CAPN13: variants seen among roughly 807,000 people sequenced by gnomAD.
The protein encoded by CAPN13 is calpain-13.
A neutral mutation model predicts 98.4 loss-of-function variants in CAPN13; 90 were observed. That is an observed-to-expected ratio of 0.92 (90% confidence interval 0.77 to 1.09). The LOEUF is 1.09. Among genes scored for constraint, CAPN13 ranks in the 50% least tolerant of loss-of-function variants. The pLI is 0.00. For synonymous variants in CAPN13, 330 were observed against 305.5 expected, an observed-to-expected ratio of 1.08 and a Z score of -0.84; for missense variants, 887 against 841.3, an observed-to-expected ratio of 1.05 and a Z score of -0.67.
At chr2:30,729,795 G>A (rs1466134859) in intron 22 of CAPN13, 1 of 152,166 alleles carries the variant, frequency 6.6e-6, no homozygotes, top group Non-Finnish European at 1.5e-5. Flanking sequence ...CAAAACAATC[G>A]AGTTTTAGGT....
rs1243378718 is a variant in CAPN13, at chr2:30,751,708, A to G, written c.1088-457T>C. The stretch of plus-strand genomic sequence containing the variant: ...AAGCCAGAATAAGAGAGAGCGAGCT[A>G]ATGTGAAAACCATTAGATTCAAATA... On this transcript the variant is annotated intron_variant, in intron 10 of 22. Coordinates refer to ENST00000295055, the MANE Select transcript of CAPN13 (RefSeq NM_144575.3). 2.0e-5 allele frequency among the ~76,000 whole-genome samples: 3 copies of G among 152,236 alleles called. No individual in the cohort carries two copies. In the South Asian group the frequency reaches 6.2e-4, roughly 32 times the overall value.
chr2:30,797,134 G>A (rs529016830), intron 1 of CAPN13, among the ~76,000 whole-genome samples: 2 of 152,252 alleles, frequency 1.3e-5, no homozygotes, highest in East Asian at 3.9e-4. Context: ...GAGGTTTACT[G>A]GACAGAAGGC....
intron 12 of CAPN13, among the ~76,000 whole-genome samples, chr2:30,744,385 C>A (rs568712202): frequency 6.6e-6 from 1 of 152,298 alleles, no homozygotes; most frequent in South Asian, 2.1e-4. Flanking sequence ...ATCTCCAACG[C>A]GATTCTGCTG....
intron 1 of CAPN13, among the ~76,000 whole-genome samples, chr2:30,791,911 T>C (rs1458612061): frequency 6.6e-6 from 1 of 152,234 alleles, no homozygotes; most frequent in East Asian, 1.9e-4. Context: ...AATAAATAGT[T>C]GTAAGAATAC....
chr2:30,794,297 A>C (rs1340713449), intron 1 of CAPN13, among the ~76,000 whole-genome samples: 1 of 151,948 alleles, frequency 6.6e-6, no homozygotes, highest in Admixed American at 6.6e-5. Context: ...ACTTGAAAAG[A>C]TGTTCCACAT....
At chr2:30,728,264 TCTGA>T (rs1352460861) in intron 22 of CAPN13, among the ~76,000 whole-genome samples, 1 of 151,554 alleles carries the variant, frequency 6.6e-6, no homozygotes. Context: ...GTTGCACACC[TCTGA>T]CTACGCTAAA....
At chr2:30,771,204 A>G (rs1190579407) in intron 4 of CAPN13, among the ~76,000 whole-genome samples, 3 of 152,254 alleles carry the variant, frequency 2.0e-5, no homozygotes, top group Non-Finnish European at 4.4e-5. Flanking sequence ...AGGAAAATTC[A>G]TAACAAATCC....
chr2:30,770,557 G>A (rs1467809601), intron 4 of CAPN13, 108 bp from the exon 5 acceptor site: 9 of 1,355,924 alleles, frequency 6.6e-6, no homozygotes, highest in Admixed American at 2.1e-5. Context: ...ATGCAATAAT[G>A]AACTCTATTC....
intron 8 of CAPN13, 59 bp from the exon 9 acceptor site, chr2:30,754,423 T>C: frequency 4.1e-6 from 6 of 1,448,454 alleles, no homozygotes; most frequent in South Asian, 2.7e-5. Flanking sequence ...TTCTCAACCA[T>C]GTGTGGGTCA....
chr2:30,789,536 C>A (rs1251544679), intron 1 of CAPN13, among the ~76,000 whole-genome samples: 1 of 152,308 alleles, frequency 6.6e-6, no homozygotes, highest in South Asian at 2.1e-4. Context: ...ATGCGAGGAT[C>A]AGTTCCTAGT....
chr2:30,797,747 G>A (rs551889684), intron 1 of CAPN13, among the ~76,000 whole-genome samples: 1 of 152,322 alleles, frequency 6.6e-6, no homozygotes, highest in South Asian at 2.1e-4. Flanking sequence ...CCAGAGTTGT[G>A]TTCTTTCCAT....
At chr2:30,743,296 A>G (rs1671747126) in intron 13 of CAPN13, 87 bp downstream of exon 13, 1 of 1,177,118 alleles carries the variant, frequency 8.5e-7, no homozygotes, top group Non-Finnish European at 1.3e-6. Flanking sequence ...GGCTGCACGA[A>G]TGCACAGAGA....
At position 30,723,242 on chromosome 2, in the gene CAPN13, GA is replaced by G. The variant is rs1464954653; in HGVS notation, c.*31-7del. On this transcript the variant is annotated splice_region_variant and splice_polypyrimidine_tract_variant and intron_variant, in intron 22 of 22. Transcript: ENST00000295055. ...GTGATCACTGGGAGCTTGTCCTAGA[GA>G]AAGACACGGGGGTGCAAATGCAGAG... 3.3e-5 allele frequency: 5 copies of G among 152,332 alleles called. No individual in the cohort carries two copies. The highest frequency in any genetic ancestry group is 1.2e-4 in the African/African-American group (5 of 41,456). The allele number at this position is 152,332 out of a possible 1,614,324, so 9.4% of individuals were successfully genotyped here.
chr2:30,795,565 A>G (rs1674816267), intron 1 of CAPN13, among the ~76,000 whole-genome samples: 1 of 151,966 alleles, frequency 6.6e-6, no homozygotes, highest in Non-Finnish European at 1.5e-5. Flanking sequence ...CTCTTGAGGA[A>G]TGAATATTCA....
chr2:30,785,970 C>A (rs1674255005), intron 2 of CAPN13, among the ~76,000 whole-genome samples: 1 of 152,162 alleles, frequency 6.6e-6, no homozygotes, highest in South Asian at 2.1e-4. Context: ...GCATCCCAAA[C>A]CCTACCTGAT....
chr2:30,787,507 C>T lies in CAPN13; in HGVS notation c.-32-150G>A, dbSNP rs183426322. On this transcript the variant is annotated intron_variant, in intron 1 of 22. Coordinates refer to ENST00000295055, the MANE Select transcript of CAPN13 (RefSeq NM_144575.3). ...GTCCCTGGTGGCACAGTCAGTGAGC[C>T]TGAACTAGGATTCAAGCATCCTCAC... 10 of 565,916 alleles carry T rather than the reference C, an allele frequency of 1.8e-5. No homozygotes were observed. The Admixed American group carries it at 3.4e-4, about 19-fold the overall frequency. 35.1% of individuals were successfully genotyped at this position (565,916 alleles called of 1,614,324 possible).
intron 9 of CAPN13, among the ~76,000 whole-genome samples, 198 bp from the exon 10 acceptor site, chr2:30,753,396 G>C (rs1488804384): frequency 6.6e-6 from 1 of 152,178 alleles, no homozygotes; most frequent in Non-Finnish European, 1.5e-5. Context: ...ACACAGTCAA[G>C]TTCTGGGGTC....
At chr2:30,796,900 T>A (rs548747662) in intron 1 of CAPN13, among the ~76,000 whole-genome samples, 28 of 152,310 alleles carry the variant, frequency 1.8e-4, no homozygotes, top group Middle Eastern at 3.4e-3. Flanking sequence ...AAGAGGCTTA[T>A]CGGCACTCTC....
intron 1 of CAPN13, among the ~76,000 whole-genome samples, chr2:30,788,231 T>C (rs969240818): frequency 3.9e-5 from 6 of 152,248 alleles, no homozygotes; most frequent in African/African-American, 1.4e-4. Context: ...TTTCTCCACC[T>C]GTATGGATTG....
Sources: allele counts gnomAD v4.1 joint callset (sites outside exome capture counted in the v4.1 genomes callset), GRCh38; gene constraint gnomAD v4.1.1; transcripts MANE v1.5; gene names NCBI Gene and HGNC (gene_info 2026-07-23, HGNC 2026-07-21).